Variants in PRKAA2 observed in about 807,000 individuals in gnomAD.
PRKAA2 encodes protein kinase AMP-activated catalytic subunit alpha 2.
In PRKAA2, 40 loss-of-function variants were observed where a neutral mutation model predicts 56.3. The ratio of observed to expected loss-of-function variants is 0.71; its 90% CI spans 0.55 to 0.92. PRKAA2 has a LOEUF of 0.92. Among genes scored for constraint, PRKAA2 ranks in the 40% least tolerant of loss-of-function variants. PRKAA2 has a pLI of 0.00. For missense variants in PRKAA2, 542 were observed against 686.9 expected (o/e 0.79, Z 2.36); for synonymous variants, 214 against 234.2 (o/e 0.91, Z 0.79).
chr1:56,712,843 C>T lies in PRKAA2; in HGVS notation c.*5130C>T, dbSNP rs1644377753. 6.6e-6 allele frequency: 1 copy of T among 151,498 alleles called. No homozygotes were observed. The highest frequency in any genetic ancestry group is 1.5e-5 in the Non-Finnish European group (1 of 67,940). The allele number at this position is 151,498 out of a possible 1,614,324, so 9.4% of individuals were successfully genotyped here. On this transcript the variant is annotated 3_prime_UTR_variant, in exon 9 of 9. Transcript: ENST00000371244. ...TGCCAGCCTGGGTGACAGCACAAGA[C>T]TGTCTCAAAAAAAAACAAAAAAAGG...
At chr1:56,692,113 A>G (rs1644232226) in intron 3 of PRKAA2, among the ~76,000 whole-genome samples, 1 of 149,190 alleles carries the variant, frequency 6.7e-6, no homozygotes, top group African/African-American at 2.5e-5. Flanking sequence ...GCTCACTGCA[A>G]CCTCTGCCTC....
intron 1 of PRKAA2, among the ~76,000 whole-genome samples, chr1:56,672,399 G>A (rs546432823): frequency 1.3e-5 from 2 of 152,138 alleles, no homozygotes; most frequent in South Asian, 4.1e-4. Flanking sequence ...TTACAGGCAT[G>A]AGCTGTCATG....
intron 3 of PRKAA2, 46 bp from the exon 4 acceptor site, chr1:56,692,312 G>T: frequency 6.2e-7 from 1 of 1,610,516 alleles, no homozygotes; most frequent in Non-Finnish European, 8.5e-7. Context: ...GAGCCACTGT[G>T]CCCAGCCCCA....
rs749587981 is a variant in PRKAA2 at position 56,645,468 on chromosome 1, C to A, written c.81C>A (p.Phe27Leu). Residue 27 changes from phenylalanine (F) to leucine (L), a missense_variant, in exon 1 of 9, where the codon TTC (phenylalanine) becomes TTA (leucine). By Grantham distance (22) the Phe-to-Leu change is conservative. Coordinates refer to ENST00000371244, the MANE Select transcript of PRKAA2 (RefSeq NM_006252.4). ...VLGDTLGVGT[F>L]GKVKIGEHQL... ...GCGACACGCTGGGCGTCGGCACCTT[C>A]GGCAAAGTGAAGAGTTGAGTACGCG... 1.3e-6 allele frequency: 2 copies of A among 1,497,068 alleles called. No individual in the cohort carries two copies. The highest frequency in any genetic ancestry group is 1.5e-5 in the African/African-American group (1 of 68,684). The allele number at this position is 1,497,068 out of a possible 1,614,324, so 92.7% of individuals were successfully genotyped here.
chr1:56,684,708 C>T (rs953305319), intron 2 of PRKAA2, among the ~76,000 whole-genome samples: 1 of 151,990 alleles, frequency 6.6e-6, no homozygotes, highest in African/African-American at 2.4e-5. Context: ...TTGCTGTTGT[C>T]TTTGAAAAGA....
Position 56,675,376 on chromosome 1 carries a change from G to A in PRKAA2, c.236+854G>A, listed in dbSNP as rs542445001. 1.3e-4 allele frequency among the ~76,000 whole-genome samples: 19 copies of A among 151,964 alleles called. No homozygotes were observed. In the East Asian group the frequency reaches 2.3e-3, roughly 19 times the overall value. On this transcript the variant is annotated intron_variant, in intron 2 of 8. Transcript: ENST00000371244. ...TTTTTGTCAAGTTTCTGCTGAATGTGTGGAGCATTTTCCTTATTTAATTTA... is the reference window on the plus strand; with the variant it reads ...TTTTTGTCAAGTTTCTGCTGAATGTATGGAGCATTTTCCTTATTTAATTTA...
At chr1:56,663,269 T>C (rs1243316788) in intron 1 of PRKAA2, among the ~76,000 whole-genome samples, 1 of 152,166 alleles carries the variant, frequency 6.6e-6, no homozygotes, top group Non-Finnish European at 1.5e-5. Flanking sequence ...ACAATATTTT[T>C]GAAGAGACGG....
intron 8 of PRKAA2, among the ~76,000 whole-genome samples, chr1:56,706,739 A>C (rs2100440361): frequency 6.6e-6 from 1 of 152,316 alleles, no homozygotes; most frequent in South Asian, 2.1e-4. Context: ...CAAGAATTAA[A>C]CTTGGGTAAA....
intron 1 of PRKAA2, among the ~76,000 whole-genome samples, chr1:56,669,381 C>G (rs991694818): frequency 2.6e-5 from 4 of 151,908 alleles, no homozygotes; most frequent in African/African-American, 9.7e-5. Context: ...ATCACTTGAA[C>G]CCGGGAGGCA....
At chr1:56,692,296 A>C in intron 3 of PRKAA2, 62 bp from the exon 4 acceptor site, 1 of 1,595,142 alleles carries the variant, frequency 6.3e-7, no homozygotes, top group Non-Finnish European at 8.6e-7. Context: ...CTGGGATTAC[A>C]GGCATGAGCC....
chr1:56,662,686 A>C (rs376350191), intron 1 of PRKAA2, among the ~76,000 whole-genome samples: 3 of 152,366 alleles, frequency 2.0e-5, no homozygotes, highest in African/African-American at 7.2e-5. Flanking sequence ...CAGTCCTCAG[A>C]GTTTAACCAT....
intron 1 of PRKAA2, among the ~76,000 whole-genome samples, chr1:56,652,569 C>T (rs917775228): frequency 1.3e-5 from 2 of 152,232 alleles, no homozygotes; most frequent in Non-Finnish European, 2.9e-5. Context: ...AATTCCATTT[C>T]TACTACCAGT....
chr1:56,660,293 G>A (rs1364094298), intron 1 of PRKAA2, among the ~76,000 whole-genome samples: 1 of 152,156 alleles, frequency 6.6e-6, no homozygotes, highest in Non-Finnish European at 1.5e-5. Flanking sequence ...CTTCAAGGAT[G>A]TACAAGTTCA....
At position 56,674,411 on chromosome 1, in the gene PRKAA2, TG is replaced by T; in HGVS notation, c.127del (p.Ala43GlnfsTer5). ...GAACATCAATTAACAGGCCATAAAG[TG>T]GCAGTTAAAATCTTAAATAGACAGA... ...IGEHQLTGHK[V>X]AVKILNRQKI... On this transcript the variant is annotated frameshift_variant, in exon 2 of 9. Coordinates refer to ENST00000371244, the MANE Select transcript of PRKAA2 (RefSeq NM_006252.4). LOFTEE classifies it high-confidence loss of function. 6.3e-7 allele frequency: 1 copy of T among 1,581,688 alleles called. No homozygotes were observed. The highest frequency in any genetic ancestry group is 1.4e-5 in the African/African-American group (1 of 73,176).
chr1:56,704,151 T>G lies in PRKAA2; in HGVS notation c.969T>G (p.Ala323=). The change falls in exon 7 of 9, where the codon GCT becomes GCG. Residue 323 remains alanine, a synonymous_variant. Coordinates refer to ENST00000371244, the MANE Select transcript of PRKAA2 (RefSeq NM_006252.4). ...ACCCTCAAGACCAGCTTGCAGTGGC[T>G]TATCATCTTATCATTGACAATCGGA... ...SGDPQDQLAV[A]YHLIIDNRRI... 1 of 1,614,132 alleles carries G rather than the reference T, an allele frequency of 6.2e-7. No homozygotes were observed. The highest frequency in any genetic ancestry group is 8.5e-7 in the Non-Finnish European group (1 of 1,179,998).
chr1:56,647,706 C>T (rs1289065746), intron 1 of PRKAA2, among the ~76,000 whole-genome samples: 1 of 139,974 alleles, frequency 7.1e-6, no homozygotes. Flanking sequence ...ACAAGCGAAA[C>T]AAAAAGTCAT....
At chr1:56,684,664 G>A (rs1557555149) in intron 2 of PRKAA2, among the ~76,000 whole-genome samples, 1 of 152,134 alleles carries the variant, frequency 6.6e-6, no homozygotes, top group Non-Finnish European at 1.5e-5. Context: ...AGATGATAAC[G>A]GAGAATTGAC....
At chr1:56,691,580 G>A (rs1569776197) in intron 3 of PRKAA2, 93 bp downstream of exon 3, 4 of 1,009,284 alleles carry the variant, frequency 4.0e-6, no homozygotes, top group East Asian at 5.7e-5. Flanking sequence ...CTTCAAGGTT[G>A]AAGTTGCTTT....
At chr1:56,686,729 A>C (rs950512153) in intron 2 of PRKAA2, among the ~76,000 whole-genome samples, 2 of 152,108 alleles carry the variant, frequency 1.3e-5, no homozygotes, top group Non-Finnish European at 2.9e-5. Context: ...TGAGGGATGG[A>C]TCTACCCCCA....
Sources: gnomAD v4.1 joint callset for allele counts (sites outside exome capture counted in the v4.1 genomes callset) on GRCh38, gnomAD v4.1.1 for gene constraint, MANE v1.5 for transcripts, NCBI Gene and HGNC (gene_info 2026-07-23, HGNC 2026-07-21) for gene names.